The following SLC39A11 variants were observed in gnomAD, a reference collection of about 807,000 sequenced individuals.
The protein encoded by SLC39A11 is zinc transporter ZIP11.
In SLC39A11, 33 loss-of-function variants were observed where a neutral mutation model predicts 36.1. The ratio of observed to expected loss-of-function variants is 0.91; its 90% CI spans 0.69 to 1.22. The LOEUF is 1.22. Ranked by LOEUF, SLC39A11 falls within the 50% of genes most tolerant of loss-of-function variation. The pLI is 0.00. For missense variants in SLC39A11, 432 were observed against 430.3 expected (o/e 1.00, Z -0.03); for synonymous variants, 166 against 170.3 (o/e 0.97, Z 0.20).
intron 5 of SLC39A11, among the ~76,000 whole-genome samples, chr17:72,917,512 G>A (rs1276092556): frequency 6.6e-6 from 1 of 152,202 alleles, no homozygotes; most frequent in Non-Finnish European, 1.5e-5. Flanking sequence ...CAACAGAGCA[G>A]CTAACAGGGG....
chr17:72,798,410 C>A (rs1256934409), intron 6 of SLC39A11, among the ~76,000 whole-genome samples: 1 of 98,698 alleles, frequency 1.0e-5, no homozygotes, highest in Non-Finnish European at 2.5e-5. Flanking sequence ...TCTTCCACTT[C>A]TTTCTTTCTT....
intron 7 of SLC39A11, among the ~76,000 whole-genome samples, chr17:72,726,802 A>T (rs1598463728): frequency 1.3e-5 from 2 of 152,354 alleles, no homozygotes; most frequent in South Asian, 4.1e-4. Flanking sequence ...CTCTTTGATC[A>T]GAGAGGCAAA....
intron 7 of SLC39A11, among the ~76,000 whole-genome samples, chr17:72,714,363 CA>C (rs200604904): frequency 8.2e-5 from 12 of 145,926 alleles, no homozygotes; most frequent in South Asian, 2.2e-4. Context: ...CTCTCTCTCT[CA>C]AAAAAAAAAT....
At chr17:72,996,499 C>G (rs1035628979) in intron 4 of SLC39A11, among the ~76,000 whole-genome samples, 7 of 152,244 alleles carry the variant, frequency 4.6e-5, no homozygotes, top group African/African-American at 1.7e-4. Context: ...AAGGAAGAAT[C>G]CTTCTTGCAT....
intron 3 of SLC39A11, chr17:73,068,106 C>T: frequency 1.4e-6 from 2 of 1,396,602 alleles, no homozygotes; most frequent in South Asian, 1.2e-5. Context: ...GTATCTCCCA[C>T]AGCCTTTAGC....
At position 72,719,612 on chromosome 17, in the gene SLC39A11, T is replaced by C. The variant is rs144509414; in HGVS notation, c.671+17038A>G. Among the ~76,000 whole-genome samples the C allele has an allele frequency of 5.7e-3, 872 of 152,216 alleles. 9 individuals carry two copies. Among genetic ancestry groups the C allele is most frequent in the Non-Finnish European group, 8.7e-3 (595 of 68,008 alleles). On this transcript the variant is annotated intron_variant, in intron 7 of 9. Coordinates refer to ENST00000255559, the MANE Select transcript of SLC39A11 (RefSeq NM_139177.4). ...TTGGGGAGGACGGACAGGGCAGCAG[T>C]GGGAACGGAGAAGAGAAAAGAAGTG...
At chr17:72,657,402 A>T (rs969404782) in intron 7 of SLC39A11, among the ~76,000 whole-genome samples, 1 of 152,204 alleles carries the variant, frequency 6.6e-6, no homozygotes, top group East Asian at 1.9e-4. Flanking sequence ...AAATAAATAA[A>T]AATAAACATC....
At chr17:72,881,257 A>G (rs1005500102) in intron 5 of SLC39A11, among the ~76,000 whole-genome samples, 7 of 152,206 alleles carry the variant, frequency 4.6e-5, no homozygotes, top group Non-Finnish European at 2.9e-5. Flanking sequence ...GAAACAGCCA[A>G]AATGTCTGTT....
At chr17:73,068,736 A>G (rs1233469831) in intron 3 of SLC39A11, among the ~76,000 whole-genome samples, 1 of 151,768 alleles carries the variant, frequency 6.6e-6, no homozygotes, top group Non-Finnish European at 1.5e-5. Flanking sequence ...CACACTTCCT[A>G]TCTCCTATGC....
At chr17:73,026,446 G>A (rs2058556476) in intron 4 of SLC39A11, among the ~76,000 whole-genome samples, 1 of 149,950 alleles carries the variant, frequency 6.7e-6, no homozygotes, top group South Asian at 2.1e-4. Context: ...ACCCGGGAGG[G>A]AGGCAGAGGT....
intron 3 of SLC39A11, among the ~76,000 whole-genome samples, chr17:73,074,053 A>G (rs2060243925): frequency 6.6e-6 from 1 of 152,078 alleles, no homozygotes; most frequent in Non-Finnish European, 1.5e-5. Flanking sequence ...GATGGAAAAA[A>G]AAAAAAAGGT....
At chr17:73,041,099 C>G in intron 3 of SLC39A11, among the ~76,000 whole-genome samples, 1 of 151,794 alleles carries the variant, frequency 6.6e-6, no homozygotes, top group East Asian at 1.9e-4. Context: ...CAAAGGTTTA[C>G]TACACTAATG....
intron 7 of SLC39A11, among the ~76,000 whole-genome samples, chr17:72,654,537 GC>G (rs1371965663): frequency 5.3e-5 from 8 of 152,264 alleles, no homozygotes; most frequent in South Asian, 4.1e-4. Flanking sequence ...TATTTCATAA[GC>G]CCCTGCCCCG....
At chr17:72,729,430 TATATATATATATATATATATA>T (rs1456821865) in intron 7 of SLC39A11, among the ~76,000 whole-genome samples, 13 of 3,178 alleles carry the variant, frequency 4.1e-3, no homozygotes, top group East Asian at 0.031. Context: ...TATATATATA[TATATATATATATATATATATA>T]TATATATTTT....
At chr17:72,702,580 T>A (rs369934119) in intron 7 of SLC39A11, among the ~76,000 whole-genome samples, 13 of 152,286 alleles carry the variant, frequency 8.5e-5, no homozygotes, top group African/African-American at 2.9e-4. Context: ...GCAGTCATAT[T>A]TGCACAAAAG....
chr17:72,705,272 G>C lies in SLC39A11; in HGVS notation c.671+31378C>G, dbSNP rs932051847. On this transcript the variant is annotated intron_variant, in intron 7 of 9. Coordinates refer to ENST00000255559, the MANE Select transcript of SLC39A11 (RefSeq NM_139177.4). ...TAGTGAAGACAGTGGGGAAAAGGCG[G>C]TTATCAAGGTCCTGCTCCCTCTCCC... is the stretch of plus-strand genomic sequence containing the variant. Among the ~76,000 whole-genome samples the C allele has an allele frequency of 9.2e-5, 14 of 152,190 alleles. 1 individual carries two copies. The highest frequency in any genetic ancestry group is 2.9e-5 in the Non-Finnish European group (2 of 68,044).
intron 7 of SLC39A11, among the ~76,000 whole-genome samples, chr17:72,663,426 T>A (rs1369909405): frequency 6.6e-6 from 1 of 152,128 alleles, no homozygotes; most frequent in African/African-American, 2.4e-5. Flanking sequence ...AGCAAACCCA[T>A]GAAACCCACA....
At chr17:72,742,629 T>TGGTTGA (rs1414063133) in intron 6 of SLC39A11, among the ~76,000 whole-genome samples, 3 of 152,244 alleles carry the variant, frequency 2.0e-5, no homozygotes, top group Non-Finnish European at 4.4e-5. Flanking sequence ...AAACAACAGC[T>TGGTTGA]GGTTGACTCT....
intron 7 of SLC39A11, among the ~76,000 whole-genome samples, chr17:72,655,289 C>A (rs1310857875): frequency 6.6e-6 from 1 of 152,266 alleles, no homozygotes; most frequent in Non-Finnish European, 1.5e-5. Context: ...GGTCAGAGGC[C>A]CACTGGTGGG....
Sources: allele counts gnomAD v4.1 joint callset (sites outside exome capture counted in the v4.1 genomes callset), GRCh38; gene constraint gnomAD v4.1.1; transcripts MANE v1.5; gene names NCBI Gene and HGNC (gene_info 2026-07-23, HGNC 2026-07-21).